The following EIPR1 variants were observed in gnomAD, a reference collection of about 807,000 sequenced individuals.
EIPR1 encodes EARP complex and GARP complex interacting protein 1.
In EIPR1, 25 loss-of-function variants were observed where a neutral mutation model predicts 48.1. The ratio of observed to expected loss-of-function variants is 0.52; its 90% CI spans 0.38 to 0.73. EIPR1 has a LOEUF of 0.73. EIPR1 is among the 30% of genes least tolerant of loss of function. EIPR1 has a pLI of 0.00. For synonymous variants in EIPR1, 204 were observed against 201.9 expected (o/e 1.01, Z -0.09); for missense variants, 415 against 506.2 (o/e 0.82, Z 1.73).
At chr2:3,195,362 G>A (rs1664771148) in intron 6 of EIPR1, among the ~76,000 whole-genome samples, 1 of 152,206 alleles carries the variant, frequency 6.6e-6, no homozygotes, top group Admixed American at 6.5e-5. Context: ...TGAGCAATGG[G>A]AAACTTCTGT....
At chr2:3,365,854 G>A (rs1040266748) in intron 1 of EIPR1, among the ~76,000 whole-genome samples, 2 of 151,948 alleles carry the variant, frequency 1.3e-5, no homozygotes, top group African/African-American at 4.8e-5. Flanking sequence ...AGAACAAAAT[G>A]AAAAGTCTCC....
In EIPR1 at chr2:3,324,418, G is replaced by A. The variant is rs142354290; in HGVS notation, c.259+13599C>T. The stretch of plus-strand genomic sequence containing the variant: ...CCCAGTGCTTAGACAGTGTCGCTCC[G>A]TGTGCCCACTGCTGCTCCTCAGGAT... On this transcript the variant is annotated intron_variant, in intron 3 of 8. Transcript: ENST00000382125. Among the ~76,000 whole-genome samples the A allele has an allele frequency of 4.7e-3, 713 of 152,368 alleles. 9 individuals carry two copies. The highest frequency in any genetic ancestry group is 0.016 in the African/African-American group (683 of 41,596).
chr2:3,330,773 G>A (rs2103340053), intron 3 of EIPR1, among the ~76,000 whole-genome samples: 1 of 151,582 alleles, frequency 6.6e-6, no homozygotes, highest in Non-Finnish European at 1.5e-5. Flanking sequence ...GTGAGCAGAG[G>A]CAAGCGCATG....
chr2:3,241,643 T>A (rs190841050), intron 4 of EIPR1, among the ~76,000 whole-genome samples: 156 of 152,260 alleles, frequency 1.0e-3, no homozygotes, highest in African/African-American at 3.6e-3. Context: ...CATAAAACGA[T>A]ATGAACAAGT....
chr2:3,228,328 A>C (rs909288982), intron 4 of EIPR1, among the ~76,000 whole-genome samples: 4 of 152,228 alleles, frequency 2.6e-5, no homozygotes, highest in Non-Finnish European at 5.9e-5. Flanking sequence ...TTGGACTTTC[A>C]ACTTGCCTGG....
At chr2:3,211,014 C>T (rs990734472) in intron 5 of EIPR1, among the ~76,000 whole-genome samples, 2 of 152,082 alleles carry the variant, frequency 1.3e-5, no homozygotes, top group Admixed American at 6.5e-5. Flanking sequence ...AACTCCCCAT[C>T]GGTACTGTGC....
intron 3 of EIPR1, among the ~76,000 whole-genome samples, chr2:3,289,720 CT>C (rs1176566461): frequency 3.3e-5 from 5 of 152,256 alleles, no homozygotes; most frequent in Non-Finnish European, 4.4e-5. Context: ...CAGCCACCAG[CT>C]TCAGCAGACG....
intron 3 of EIPR1, among the ~76,000 whole-genome samples, chr2:3,323,920 T>A (rs1334646912): frequency 6.6e-6 from 1 of 152,174 alleles, no homozygotes; most frequent in East Asian, 1.9e-4. Flanking sequence ...GCTGCCGTGT[T>A]GGAGTAGGCA....
intron 2 of EIPR1, among the ~76,000 whole-genome samples, chr2:3,345,153 A>G (rs951180088): frequency 1.3e-5 from 2 of 152,132 alleles, no homozygotes; most frequent in African/African-American, 4.8e-5. Flanking sequence ...GGGAGGCTGG[A>G]ACCTAACTGG....
chr2:3,356,260 G>A (rs1670726221), intron 1 of EIPR1, among the ~76,000 whole-genome samples: 1 of 152,216 alleles, frequency 6.6e-6, no homozygotes, highest in South Asian at 2.1e-4. Context: ...CTGTTCAGCT[G>A]AGGGCAATTC....
chr2:3,362,032 C>T lies in EIPR1; in HGVS notation c.43-7399G>A, dbSNP rs78459070. ...TTCTGTAAGTTAGGCCCATGCTTTC[C>T]AAATGCGAATCTGGTGCCCAGGCAC... On this transcript the variant is annotated intron_variant, in intron 1 of 8. Coordinates refer to ENST00000382125, the MANE Select transcript of EIPR1 (RefSeq NM_003310.5). 2.6e-5 allele frequency among the ~76,000 whole-genome samples: 4 copies of T among 152,362 alleles called. No homozygotes were observed. In the East Asian group the frequency reaches 5.8e-4, roughly 22 times the overall value.
At chr2:3,369,151 C>G (rs1269381865) in intron 1 of EIPR1, among the ~76,000 whole-genome samples, 2 of 152,216 alleles carry the variant, frequency 1.3e-5, no homozygotes, top group Non-Finnish European at 2.9e-5. Context: ...AAGTCAGCTA[C>G]TTCTTTTAAG....
intron 1 of EIPR1, among the ~76,000 whole-genome samples, chr2:3,376,262 C>G (rs1447452344): frequency 6.6e-6 from 1 of 152,050 alleles, no homozygotes; most frequent in Non-Finnish European, 1.5e-5. Context: ...GAGGGAGATG[C>G]ATATTTTATT....
intron 8 of EIPR1, among the ~76,000 whole-genome samples, chr2:3,190,554 G>A (rs115942031): frequency 1.1e-4 from 16 of 152,162 alleles, no homozygotes; most frequent in African/African-American, 3.4e-4. Flanking sequence ...GCGTAGCCCC[G>A]ATCACCTCCT....
chr2:3,216,499 A>C (rs1397795839), intron 4 of EIPR1, among the ~76,000 whole-genome samples: 1 of 63,298 alleles, frequency 1.6e-5, no homozygotes, highest in Non-Finnish European at 3.5e-5. Flanking sequence ...CTTCGCAACT[A>C]ACTCACACAT....
chr2:3,278,735 A>C (rs1667933265), intron 3 of EIPR1, among the ~76,000 whole-genome samples: 1 of 152,032 alleles, frequency 6.6e-6, no homozygotes, highest in African/African-American at 2.4e-5. Flanking sequence ...ACCCAACTAC[A>C]TACAGGATTC....
intron 5 of EIPR1, among the ~76,000 whole-genome samples, chr2:3,198,161 T>C (rs1246139783): frequency 2.0e-5 from 3 of 152,058 alleles, no homozygotes; most frequent in African/African-American, 7.2e-5. Context: ...CAGTGAGAAA[T>C]AGGGCACCGT....
intron 4 of EIPR1, among the ~76,000 whole-genome samples, chr2:3,256,350 G>A (rs1016471424): frequency 9.2e-5 from 14 of 152,066 alleles, no homozygotes; most frequent in African/African-American, 3.4e-4. Flanking sequence ...TAATGATTTC[G>A]GGGTACGCCA....
At chr2:3,258,322 A>C (rs1279564578) in intron 3 of EIPR1, among the ~76,000 whole-genome samples, 9 of 152,228 alleles carry the variant, frequency 5.9e-5, no homozygotes, top group Admixed American at 5.9e-4. Context: ...TGAATTCTTG[A>C]ACATAAATCC....
Sources: gnomAD v4.1 joint callset for allele counts (sites outside exome capture counted in the v4.1 genomes callset) on GRCh38, gnomAD v4.1.1 for gene constraint, MANE v1.5 for transcripts, NCBI Gene and HGNC (gene_info 2026-07-23, HGNC 2026-07-21) for gene names.